XPO6: variants seen among roughly 807,000 people sequenced by gnomAD.
The protein encoded by XPO6 is exportin-6.
Under a neutral mutation model 130.0 loss-of-function variants are expected in XPO6, and 3 were observed. The observed-to-expected ratio is 0.02, with a 90% CI of 0.01 to 0.06. The LOEUF (loss-of-function observed/expected upper bound fraction) is 0.06, where lower values mean the gene tolerates loss of function less well. Ranked by LOEUF, XPO6 falls within the 10% of genes least tolerant of loss-of-function variation. XPO6 has a pLI of 1.00. For missense variants in XPO6, 970 were observed against 1,393.0 expected (o/e 0.70, Z 4.83); for synonymous variants, 524 against 548.9 (o/e 0.95, Z 0.63).
intron 8 of XPO6, among the ~76,000 whole-genome samples, chr16:28,148,393 G>C (rs1468933766): frequency 6.6e-6 from 1 of 152,136 alleles, no homozygotes; most frequent in Non-Finnish European, 1.5e-5. Flanking sequence ...CTGTGGACAT[G>C]GTTCATTCCG....
intron 1 of XPO6, among the ~76,000 whole-genome samples, chr16:28,210,275 G>A (rs751465651): frequency 2.6e-5 from 4 of 152,140 alleles, no homozygotes; most frequent in African/African-American, 4.8e-5. Flanking sequence ...TGAATGTTTC[G>A]AAAATTCCAC....
intron 8 of XPO6, 129 bp downstream of exon 8, chr16:28,152,530 T>A: frequency 1.7e-6 from 2 of 1,158,752 alleles, no homozygotes; most frequent in Non-Finnish European, 2.4e-6. Flanking sequence ...ATTAAACCTG[T>A]GACTCTTCAC....
At chr16:28,124,247 G>A (rs2087332428) in intron 13 of XPO6, among the ~76,000 whole-genome samples, 1 of 152,064 alleles carries the variant, frequency 6.6e-6, no homozygotes, top group African/African-American at 2.4e-5. Context: ...TAGTAGAGAT[G>A]GGGTTTCATC....
At chr16:28,159,271 A>G (rs575035861) in intron 6 of XPO6, among the ~76,000 whole-genome samples, 1 of 152,226 alleles carries the variant, frequency 6.6e-6, no homozygotes, top group African/African-American at 2.4e-5. Flanking sequence ...AACTATAACA[A>G]GAAGAAAAAT....
rs767890640 is a variant in XPO6 at position 28,125,700 on chromosome 16, T to C, written c.1755A>G (p.Thr585=). 1 of 1,614,050 alleles carries C rather than the reference T, an allele frequency of 6.2e-7. No individual in the cohort carries two copies. The highest frequency in any genetic ancestry group is 8.5e-7 in the Non-Finnish European group (1 of 1,179,948). Residue 585 remains threonine (T), a synonymous_variant, in exon 13 of 24, where the codon ACA becomes ACG. Coordinates refer to ENST00000304658, the MANE Select transcript of XPO6 (RefSeq NM_015171.4). Reference sequence around the variant, plus strand: ...AACTGCCAGCCTACCTTTCCACGACTGTGAGGGCATCATTGAACCGTGCAG... The same window carrying C: ...AACTGCCAGCCTACCTTTCCACGACCGTGAGGGCATCATTGAACCGTGCAG... The part of the protein sequence containing the change: ...VFAARFNDAL[T]VVERLVKVTL...
chr16:28,162,851 C>G (rs2043299289), intron 6 of XPO6, among the ~76,000 whole-genome samples: 1 of 152,158 alleles, frequency 6.6e-6, no homozygotes, highest in South Asian at 2.1e-4. Flanking sequence ...GCCACCATGC[C>G]CAGCCCTGTA....
chr16:28,190,894 A>C (rs1040732036), intron 1 of XPO6, among the ~76,000 whole-genome samples: 1 of 7,778 alleles, frequency 1.3e-4, no homozygotes, highest in Non-Finnish European at 2.7e-4. Context: ...ATAAAGAGGG[A>C]ACGTGCAAAT....
At chr16:28,112,101 C>T (rs1178978336) in intron 16 of XPO6, 95 bp from the exon 17 acceptor site, 12 of 1,400,976 alleles carry the variant, frequency 8.6e-6, no homozygotes, top group South Asian at 2.8e-5. Context: ...TGGCTGCACA[C>T]CTGGAACCCT....
intron 12 of XPO6, among the ~76,000 whole-genome samples, chr16:28,128,293 G>T (rs1370340765): frequency 1.3e-5 from 2 of 152,068 alleles, no homozygotes; most frequent in African/African-American, 4.8e-5. Context: ...CCCTGACACT[G>T]GGTATAGCAT....
intron 1 of XPO6, among the ~76,000 whole-genome samples, chr16:28,205,670 T>C (rs2044017552): frequency 6.6e-6 from 1 of 152,142 alleles, no homozygotes; most frequent in South Asian, 2.1e-4. Context: ...TTATGAGCAG[T>C]GACTCGCTGT....
chr16:28,112,909 C>G lies in XPO6; in HGVS notation c.2146G>C (p.Asp716His), dbSNP rs753566648. Residue 716 changes from aspartate to histidine, a missense_variant, in exon 16 of 24, where the codon GAT becomes CAT. Asp to His is a moderately conservative substitution (Grantham distance 81). Transcript: ENST00000304658. ...GGGGAGCTCTGGGGCCTCACCTTATCGACAAGTCGCAGGGCAGAGGCATCA... is the reference window on the plus strand; with the variant it reads ...GGGGAGCTCTGGGGCCTCACCTTATGGACAAGTCGCAGGGCAGAGGCATCA... ...ITDASALRLV[D>H]KAQVLVCRAL... 1 of 1,613,316 alleles carries G rather than the reference C, an allele frequency of 6.2e-7. No individual in the cohort carries two copies. Among genetic ancestry groups the G allele is most frequent in the Non-Finnish European group, 8.5e-7 (1 of 1,179,504 alleles).
chr16:28,200,843 G>A (rs1476492921), intron 1 of XPO6, among the ~76,000 whole-genome samples: 1 of 152,056 alleles, frequency 6.6e-6, no homozygotes, highest in Non-Finnish European at 1.5e-5. Context: ...ACCTGGCAGG[G>A]TGGCTATGAG....
At chr16:28,198,786 C>T (rs936615037) in intron 1 of XPO6, among the ~76,000 whole-genome samples, 6 of 152,058 alleles carry the variant, frequency 3.9e-5, no homozygotes, top group Non-Finnish European at 7.4e-5. Flanking sequence ...CTTACAAAAA[C>T]TCCCTATACT....
chr16:28,104,941 G>T lies in XPO6; in HGVS notation c.2785-234C>A, dbSNP rs187982467. ...GCGGTTCACACCGCGAGTTCTTCAG[G>T]AGAGACATGGCCCACATTTGAGAGA... On this transcript the variant is annotated intron_variant, in intron 20 of 23. Transcript: ENST00000304658. Among the ~76,000 whole-genome samples the T allele has an allele frequency of 2.2e-3, 341 of 152,364 alleles. 3 individuals are homozygous for T. Among genetic ancestry groups the T allele is most frequent in the African/African-American group, 8.0e-3 (331 of 41,582 alleles).
At chr16:28,194,014 T>C (rs1567648104) in intron 1 of XPO6, among the ~76,000 whole-genome samples, 2 of 152,112 alleles carry the variant, frequency 1.3e-5, no homozygotes, top group Admixed American at 6.6e-5. Context: ...TCGCATCTAA[T>C]GATGACTTCC....
At chr16:28,153,648 GC>G in intron 7 of XPO6, 1 of 985,316 alleles carries the variant, frequency 1.0e-6, no homozygotes, top group Non-Finnish European at 1.2e-6. Context: ...GTCATTTTAA[GC>G]CCCTAAATAC....
chr16:28,176,973 T>C (rs533993951), intron 3 of XPO6, among the ~76,000 whole-genome samples: 102 of 152,304 alleles, frequency 6.7e-4, no homozygotes, highest in Non-Finnish European at 1.3e-3. Flanking sequence ...AGGCAGGGAA[T>C]AGTTACATGT....
At chr16:28,117,528 T>C in intron 14 of XPO6, 66 bp from the exon 15 acceptor site, 1 of 1,563,088 alleles carries the variant, frequency 6.4e-7, no homozygotes, top group Non-Finnish European at 8.7e-7. Flanking sequence ...TTCAACTCAT[T>C]TTCATAGGAG....
Position 28,125,765 on chromosome 16 carries a change from C to T in XPO6, c.1690G>A (p.Val564Met), listed in dbSNP as rs773294809. The T allele has an allele frequency of 8.7e-6, 14 of 1,614,232 alleles. No homozygotes were observed. Among genetic ancestry groups the T allele is most frequent in the South Asian group, 2.2e-5 (2 of 91,086 alleles). ...ATAAAGTACTCGGCCAGGCGGCCCA[C>T]GGCCTGCAGCAGGGAGCTCAAGTCT... ...LRDLSSLLQAVGRLAEYFIGD... is the reference protein window; with the variant it reads ...LRDLSSLLQAMGRLAEYFIGD... The change falls in exon 13 of 24, where the codon GTG (valine) becomes ATG (methionine). Residue 564 changes from valine to methionine, a missense_variant. Physicochemically the swap from Val to Met is conservative, Grantham distance 21. Around this residue, in one of 4 missense-constraint regions of XPO6, gnomAD observed 936 missense variants for 1,306.8 expected, o/e 0.72. Transcript: ENST00000304658.
Sources: allele counts gnomAD v4.1 joint callset (sites outside exome capture counted in the v4.1 genomes callset), GRCh38; gene constraint gnomAD v4.1.1; regional missense constraint gnomAD v4.1.1; transcripts MANE v1.5; gene names NCBI Gene and HGNC (gene_info 2026-07-23, HGNC 2026-07-21).